Variants in C9orf153 observed in about 807,000 individuals in gnomAD.
C9orf153 encodes the protein uncharacterized protein C9orf153.
A neutral mutation model predicts 9.0 loss-of-function variants in C9orf153; 10 were observed. That is an observed-to-expected ratio of 1.11 (90% CI 0.69 to 1.89). The LOEUF (loss-of-function observed/expected upper bound fraction) is 1.89, where lower values mean the gene tolerates loss of function less well. C9orf153 is among the 40% of genes most tolerant of loss of function. The pLI is 0.00. For synonymous variants in C9orf153, 35 were observed against 37.3 expected, an observed-to-expected ratio of 0.94 and a Z score of 0.23; for missense variants, 108 against 111.0, an observed-to-expected ratio of 0.97 and a Z score of 0.12.
chr9:86,230,394 C>T (rs564821864), intron 1 of C9orf153, among the ~76,000 whole-genome samples: 1 of 152,328 alleles, frequency 6.6e-6, no homozygotes, highest in African/African-American at 2.4e-5. Context: ...CTCTGCATCC[C>T]GGGTTCAAGC....
intron 3 of C9orf153, among the ~76,000 whole-genome samples, chr9:86,224,494 A>G (rs867476424): frequency 6.6e-6 from 1 of 152,190 alleles, no homozygotes; most frequent in East Asian, 1.9e-4. Context: ...TAACAATAAG[A>G]TATGGTATCT....
At chr9:86,240,009 T>G (rs1824696081) in intron 1 of C9orf153, among the ~76,000 whole-genome samples, 1 of 152,206 alleles carries the variant, frequency 6.6e-6, no homozygotes, top group Non-Finnish European at 1.5e-5. Context: ...AAGGCACTGG[T>G]GCACACAAAC....
chr9:86,221,475 G>A lies in C9orf153; in HGVS notation c.*213C>T, dbSNP rs536832404. ...AATGCTCTCAAAAGCAAAAATCTAC[G>A]TCCAAAATATTTTAATACACTACAT... On this transcript the variant is annotated 3_prime_UTR_variant, in exon 4 of 4. Coordinates refer to ENST00000339137, the MANE Select transcript of C9orf153 (RefSeq NM_001276366.4). 2.6e-5 allele frequency: 32 copies of A among 1,250,214 alleles called. No homozygotes were observed. The highest frequency in any genetic ancestry group is 8.2e-5 in the South Asian group (3 of 36,428). The allele number at this position is 1,250,214 out of a possible 1,614,324, so 77.4% of individuals were successfully genotyped here.
At chr9:86,225,456 C>CTCTT (rs1184222720) in intron 3 of C9orf153, among the ~76,000 whole-genome samples, 160 of 136,898 alleles carry the variant, frequency 1.2e-3, no homozygotes, top group African/African-American at 4.2e-3. Context: ...CTCTCTTTCT[C>CTCTT]TCTTTCTTTC....
At chr9:86,240,707 CTTTTTTTT>C (rs367674249) in intron 1 of C9orf153, among the ~76,000 whole-genome samples, 1 of 117,012 alleles carries the variant, frequency 8.5e-6, no homozygotes, top group Non-Finnish European at 1.8e-5. Flanking sequence ...TTTTCTTTTT[CTTTTTTTT>C]TTTTTTTTTT....
intron 1 of C9orf153, 145 bp downstream of exon 1, chr9:86,259,405 T>A (rs1278891589): frequency 2.0e-5 from 3 of 152,156 alleles, no homozygotes; most frequent in African/African-American, 7.3e-5. Flanking sequence ...TAAACCCAAA[T>A]CCCATCTCAC....
At chr9:86,256,879 G>A (rs1366738270) in intron 1 of C9orf153, among the ~76,000 whole-genome samples, 2 of 152,164 alleles carry the variant, frequency 1.3e-5, no homozygotes, top group Non-Finnish European at 2.9e-5. Flanking sequence ...ACTATTTTGA[G>A]TGAGTCACTG....
At chr9:86,245,061 G>C (rs1048300924) in intron 1 of C9orf153, among the ~76,000 whole-genome samples, 1 of 152,226 alleles carries the variant, frequency 6.6e-6, no homozygotes, top group African/African-American at 2.4e-5. Flanking sequence ...TGAGTAGCTA[G>C]GATTACAGGC....
Position 86,229,611 on chromosome 9 carries a change from G to A in C9orf153, c.-8C>T, listed in dbSNP as rs371191459. 2 of 1,605,282 alleles carry A rather than the reference G, an allele frequency of 1.2e-6. No individual in the cohort carries two copies. The highest frequency in any genetic ancestry group is 1.7e-6 in the Non-Finnish European group (2 of 1,174,114). Reference sequence around the variant, plus strand: ...GTCTCCAGTGAGGAACATCGTGCTGGGATTTTATTCTCTAATTCCTAAAAA... The same window carrying A: ...GTCTCCAGTGAGGAACATCGTGCTGAGATTTTATTCTCTAATTCCTAAAAA... On this transcript the variant is annotated 5_prime_UTR_variant, in exon 2 of 4. Transcript: ENST00000339137.
chr9:86,230,901 C>A (rs1415260153), intron 1 of C9orf153, among the ~76,000 whole-genome samples: 1 of 152,192 alleles, frequency 6.6e-6, no homozygotes, highest in Non-Finnish European at 1.5e-5. Flanking sequence ...CCACATTTTA[C>A]TGGGCTGGCC....
intron 1 of C9orf153, among the ~76,000 whole-genome samples, chr9:86,248,261 G>A (rs926808058): frequency 6.6e-6 from 1 of 151,994 alleles, no homozygotes; most frequent in African/African-American, 2.4e-5. Flanking sequence ...AGCCTCCAGA[G>A]TAGCTGGGAT....
At chr9:86,222,498 G>A (rs989030065) in intron 3 of C9orf153, among the ~76,000 whole-genome samples, 1 of 152,138 alleles carries the variant, frequency 6.6e-6, no homozygotes. Flanking sequence ...TAAAAGGGCA[G>A]TGGCTGAGCT....
At position 86,221,667 on chromosome 9, in the gene C9orf153, C is replaced by A. The variant is rs944312947; in HGVS notation, c.*21G>T. The stretch of plus-strand genomic sequence containing the variant: ...GTCTCCGAATGAAATTGCAGTAGTG[C>A]GCCTCCACTTCGCAAGCCCCTTAAA... On this transcript the variant is annotated 3_prime_UTR_variant, in exon 4 of 4. Transcript: ENST00000339137. 6.5e-7 allele frequency: 1 copy of A among 1,547,424 alleles called. No individual in the cohort carries two copies. The highest frequency in any genetic ancestry group is 2.0e-5 in the Admixed American group (1 of 50,444).
chr9:86,232,225 T>G (rs1021843227), intron 1 of C9orf153, among the ~76,000 whole-genome samples: 1 of 152,214 alleles, frequency 6.6e-6, no homozygotes, highest in Non-Finnish European at 1.5e-5. Context: ...TAAACTACCG[T>G]TGGGTGCATT....
chr9:86,236,839 G>A (rs1394546782), intron 1 of C9orf153, among the ~76,000 whole-genome samples: 2 of 151,628 alleles, frequency 1.3e-5, no homozygotes, highest in Non-Finnish European at 2.9e-5. Context: ...GGTGGCTCAT[G>A]CCTGTAATCC....
Position 86,229,649 on chromosome 9 carries a change from A to G in C9orf153, c.-26-20T>C. On this transcript the variant is annotated intron_variant, in intron 1 of 3. Transcript: ENST00000339137. ...TAATTCCTAAAAAAAGCAATATGAG[A>G]AAAGACAAAAATCAAAGATTAAAAA... is the stretch of plus-strand genomic sequence containing the variant. The G allele has an allele frequency of 7.3e-7, 1 of 1,373,780 alleles. No homozygotes were observed. Among genetic ancestry groups the G allele is most frequent in the South Asian group, 1.2e-5 (1 of 83,100 alleles). 85.1% of individuals were successfully genotyped at this position (1,373,780 alleles called of 1,614,324 possible).
chr9:86,232,046 C>T (rs544510703), intron 1 of C9orf153, among the ~76,000 whole-genome samples: 1 of 152,108 alleles, frequency 6.6e-6, no homozygotes, highest in African/African-American at 2.4e-5. Context: ...TGCCACCTCC[C>T]AATTTTAATC....
chr9:86,259,388 G>C (rs1420544494), intron 1 of C9orf153, among the ~76,000 whole-genome samples, 162 bp downstream of exon 1: 3 of 152,026 alleles, frequency 2.0e-5, no homozygotes, highest in Admixed American at 2.0e-4. Context: ...ATCCTTATTG[G>C]TAAAGATAAA....
intron 1 of C9orf153, among the ~76,000 whole-genome samples, chr9:86,237,598 G>A (rs1016887554): frequency 6.6e-5 from 10 of 152,106 alleles, no homozygotes; most frequent in African/African-American, 2.2e-4. Context: ...CACACTTTAA[G>A]CATAAGAACT....
Sources: gnomAD v4.1 joint callset for allele counts (sites outside exome capture counted in the v4.1 genomes callset) on GRCh38, gnomAD v4.1.1 for gene constraint, MANE v1.5 for transcripts, NCBI Gene and HGNC (gene_info 2026-07-23, HGNC 2026-07-21) for gene names.